Variants in ATAD2B observed in about 807,000 individuals in gnomAD.
ATAD2B encodes ATPase family AAA domain-containing protein 2B.
In ATAD2B, 40 loss-of-function variants were observed where a neutral mutation model predicts 167.6. The observed-to-expected ratio is 0.24, with a 90% confidence interval of 0.19 to 0.31. ATAD2B has a LOEUF of 0.31. ATAD2B is among the 10% of genes least tolerant of loss of function. The pLI is 1.00. For synonymous variants in ATAD2B, 579 were observed against 596.5 expected (o/e 0.97, Z 0.43); for missense variants, 1,242 against 1,757.2 (o/e 0.71, Z 5.24).
Position 23,887,970 on chromosome 2 carries a change from G to C in ATAD2B, c.434C>G (p.Pro145Arg), listed in dbSNP as rs774687507. 1 of 1,594,076 alleles carries C rather than the reference G, an allele frequency of 6.3e-7. No individual in the cohort carries two copies. Among genetic ancestry groups the C allele is most frequent in the South Asian group, 1.1e-5 (1 of 87,278 alleles). ...GHSGLSLRSH[P>R]LRGEKKGDGD... ...ATCTCCCTTCTTTTCCCCTCGAAGG[G>C]GATGGCTTCGAAGGGCTACAAGAAG... is the stretch of plus-strand genomic sequence containing the variant. Residue 145 changes from proline (P) to arginine (R), a missense_variant, in exon 4 of 28, where the codon CCC (proline) becomes CGC (arginine). By Grantham distance (103) the Pro-to-Arg change is moderately radical. Transcript: ENST00000238789.
chr2:23,783,070 CA>C, intron 21 of ATAD2B, 42 bp from the exon 22 acceptor site: 2 of 1,110,960 alleles, frequency 1.8e-6, no homozygotes, highest in Admixed American at 2.9e-5. Flanking sequence ...CAGTTTTTCA[CA>C]TCATCTCAGT....
intron 21 of ATAD2B, 118 bp downstream of exon 21, chr2:23,785,909 T>TCC: frequency 1.2e-6 from 1 of 858,244 alleles, no homozygotes; most frequent in East Asian, 2.8e-5. Context: ...TAAAATTTTA[T>TCC]AGGCTAGGGG....
At chr2:23,711,752 G>C in the ATAD2B span, among the ~76,000 whole-genome samples, 3 of 152,144 alleles carry the variant, frequency 2.0e-5, no homozygotes, top group Non-Finnish European at 2.9e-5. Flanking sequence ...GGAGAAGTTA[G>C]AGAGGTTCAC....
chr2:23,893,832 T>A (rs2150348125), intron 2 of ATAD2B, among the ~76,000 whole-genome samples: 1 of 151,898 alleles, frequency 6.6e-6, no homozygotes, highest in Non-Finnish European at 1.5e-5. Context: ...TGAAGCTAAT[T>A]TTTTAGTATT....
chr2:23,801,266 T>G (rs1434874901), intron 18 of ATAD2B, among the ~76,000 whole-genome samples: 1 of 152,096 alleles, frequency 6.6e-6, no homozygotes, highest in Non-Finnish European at 1.5e-5. Flanking sequence ...GATTTTTTTC[T>G]GTAATATAAA....
At chr2:23,913,715 C>T (rs761648086) in intron 1 of ATAD2B, among the ~76,000 whole-genome samples, 68 of 150,656 alleles carry the variant, frequency 4.5e-4, no homozygotes, top group Admixed American at 2.2e-3. Flanking sequence ...AATTGAAAAA[C>T]AACCCCCAAA....
At chr2:23,725,454 G>A in the ATAD2B span, among the ~76,000 whole-genome samples, 1 of 152,130 alleles carries the variant, frequency 6.6e-6, no homozygotes, top group Non-Finnish European at 1.5e-5. Flanking sequence ...GCTATTGGAA[G>A]CAAAAATTAT....
At chr2:23,815,144 T>C (rs991153626) in intron 17 of ATAD2B, among the ~76,000 whole-genome samples, 4 of 151,394 alleles carry the variant, frequency 2.6e-5, no homozygotes, top group African/African-American at 4.9e-5. Flanking sequence ...ATCATATACA[T>C]GTTTAGGGAA....
intron 12 of ATAD2B, among the ~76,000 whole-genome samples, chr2:23,861,115 C>G (rs1364524887): frequency 6.7e-6 from 1 of 150,370 alleles, no homozygotes; most frequent in Non-Finnish European, 1.5e-5. Context: ...TTTTTATATA[C>G]ATGAAACAAA....
the ATAD2B span, among the ~76,000 whole-genome samples, chr2:23,694,675 G>A: frequency 6.6e-6 from 1 of 152,112 alleles, no homozygotes. Flanking sequence ...ATAAACCCCA[G>A]ACAATTCTCC....
intron 7 of ATAD2B, among the ~76,000 whole-genome samples, chr2:23,878,025 A>AAAAAAAAAAAAAAAAAAAAAAAG (rs1558714074): frequency 2.2e-4 from 24 of 106,964 alleles, no homozygotes; most frequent in East Asian, 7.6e-4. Flanking sequence ...AAAAAAAAAA[A>AAAAAAAAAAAAAAAAAAAAAAAG]AAAAAAAAAA....
intron 22 of ATAD2B, among the ~76,000 whole-genome samples, chr2:23,776,624 G>A (rs1679174658): frequency 6.6e-6 from 1 of 152,080 alleles, no homozygotes; most frequent in Non-Finnish European, 1.5e-5. Context: ...TCAGCCTAGA[G>A]TCAATGCCCT....
At chr2:23,782,691 C>T (rs1680243590) in intron 22 of ATAD2B, among the ~76,000 whole-genome samples, 178 bp downstream of exon 22, 1 of 152,156 alleles carries the variant, frequency 6.6e-6, no homozygotes, top group Non-Finnish European at 1.5e-5. Context: ...TACAACTATA[C>T]AATTCTCTAC....
At chr2:23,842,856 CT>C (rs1410076306) in intron 13 of ATAD2B, among the ~76,000 whole-genome samples, 1 of 152,084 alleles carries the variant, frequency 6.6e-6, no homozygotes, top group Non-Finnish European at 1.5e-5. Context: ...TCAAGCCTAA[CT>C]CAGAAAATTG....
intron 12 of ATAD2B, among the ~76,000 whole-genome samples, chr2:23,863,036 C>T (rs921567046): frequency 6.6e-6 from 1 of 152,078 alleles, no homozygotes; most frequent in South Asian, 2.1e-4. Context: ...TTTGTATTTG[C>T]AGATTAAACG....
At chr2:23,811,459 A>G (rs1350865203) in intron 17 of ATAD2B, 2 of 152,300 alleles carry the variant, frequency 1.3e-5, no homozygotes, top group Non-Finnish European at 2.9e-5. Context: ...AATCTGCCAG[A>G]GCCTTCATCT....
At chr2:23,725,833 T>C in the ATAD2B span, among the ~76,000 whole-genome samples, 10 of 152,150 alleles carry the variant, frequency 6.6e-5, no homozygotes, top group Non-Finnish European at 1.2e-4. Flanking sequence ...GGATGGCTGC[T>C]ATATGAAACA....
rs770235074 is a variant in ATAD2B, at chr2:23,819,849, T to C, written c.2165A>G (p.Asp722Gly). 3 of 1,587,398 alleles carry C rather than the reference T, an allele frequency of 1.9e-6. No homozygotes were observed. The Admixed American group carries it at 5.0e-5, about 27-fold the overall frequency. Residue 722 changes from aspartate (D) to glycine (G), a missense_variant, in exon 17 of 28, where the codon GAT (aspartate) becomes GGT (glycine). By Grantham distance (94) the Asp-to-Gly change is moderately conservative. This residue lies in a region of ATAD2B where 145 missense variants were observed against 181.9 expected (regional missense o/e 0.80). Coordinates refer to ENST00000238789, the MANE Select transcript of ATAD2B (RefSeq NM_017552.4). ...CTCAAAAATTGATAAAGCATTTTCA[T>C]CTTCACTATCCTCTAAAATTAAAGT... The part of the protein sequence containing the change: ...IETLILEDSE[D>G]ENALSIFETN...
chr2:23,916,006 T>C (rs1182662508), intron 1 of ATAD2B, among the ~76,000 whole-genome samples: 1 of 152,252 alleles, frequency 6.6e-6, no homozygotes, highest in Non-Finnish European at 1.5e-5. Flanking sequence ...TCATTCATCA[T>C]CATGGATACT....
Sources: gnomAD v4.1 joint callset for allele counts (sites outside exome capture counted in the v4.1 genomes callset) on GRCh38, gnomAD v4.1.1 for gene constraint, gnomAD v4.1.1 regional missense constraint, MANE v1.5 for transcripts, NCBI Gene and HGNC (gene_info 2026-07-23, HGNC 2026-07-21) for gene names.